SCRIB: variants seen among roughly 807,000 people sequenced by gnomAD.
The protein encoded by SCRIB is scribble planar cell polarity protein.
A neutral mutation model predicts 170.0 loss-of-function variants in SCRIB; 72 were observed. That is an observed-to-expected ratio of 0.42 (90% CI 0.35 to 0.52). The LOEUF is 0.52. Among genes scored for constraint, SCRIB ranks in the 20% least tolerant of loss-of-function variants. SCRIB has a pLI of 0.02. For missense variants in SCRIB, 2,475 were observed against 2,338.5 expected (o/e 1.06, Z -1.20); for synonymous variants, 1,298 against 1,044.3 (o/e 1.24, Z -4.68).
intron 24 of SCRIB, among the ~76,000 whole-genome samples, chr8:143,802,334 G>A (rs1433898252): frequency 6.6e-6 from 1 of 152,256 alleles, no homozygotes; most frequent in Non-Finnish European, 1.5e-5. Context: ...GTGACTGTCA[G>A]CCTGGCAGAA....
chr8:143,796,998 G>A (rs1031687345), intron 24 of SCRIB, among the ~76,000 whole-genome samples: 5 of 152,168 alleles, frequency 3.3e-5, no homozygotes, highest in Admixed American at 1.3e-4. Flanking sequence ...AGGAGGTCCC[G>A]AGATGACACC....
intron 24 of SCRIB, among the ~76,000 whole-genome samples, chr8:143,797,270 T>C (rs1018098211): frequency 1.3e-5 from 2 of 152,214 alleles, no homozygotes; most frequent in African/African-American, 4.8e-5. Context: ...TAAAAGGCTG[T>C]CGCCCATGAA....
chr8:143,806,294 T>G, intron 18 of SCRIB, 113 bp downstream of exon 18: 1 of 815,234 alleles, frequency 1.2e-6, no homozygotes, highest in Admixed American at 2.2e-5. Context: ...GGGTGTCCTG[T>G]GCTTGGAACT....
chr8:143,815,100 CAA>C, intron 1 of SCRIB, 112 bp downstream of exon 1: 1 of 1,284,518 alleles, frequency 7.8e-7, no homozygotes, highest in Non-Finnish European at 1.0e-6. Context: ...CTGGCCAGTG[CAA>C]ACCAGCAGGG....
chr8:143,793,488 C>A (rs999683818), intron 28 of SCRIB: 3 of 292,138 alleles, frequency 1.0e-5, no homozygotes, highest in Non-Finnish European at 1.9e-5. Context: ...CTGTGAGGGG[C>A]TGAGCTGGGG....
intron 21 of SCRIB, 137 bp downstream of exon 21, chr8:143,804,431 G>A (rs534781341): frequency 6.6e-6 from 6 of 913,134 alleles, no homozygotes; most frequent in Admixed American, 6.6e-5. Flanking sequence ...CCAGCCTCAA[G>A]GAGCTGCAGG....
At position 143,807,481 on chromosome 8, in the gene SCRIB, G is replaced by A. The variant is rs527914504; in HGVS notation, c.2178+71C>T. 46 of 1,229,520 alleles carry A rather than the reference G, an allele frequency of 3.7e-5. 1 individual carries two copies. In the East Asian group the frequency reaches 9.5e-4, roughly 25 times the overall value. 76.2% of individuals were successfully genotyped at this position (1,229,520 alleles called of 1,614,324 possible). On this transcript the variant is annotated intron_variant, in intron 16 of 36. Coordinates refer to ENST00000356994, the MANE Select transcript of SCRIB (RefSeq NM_182706.5). ...CGCTCAAGCAACAGGGGCGGGGAGA[G>A]GCGTGAGCCCACAGCCCGGGAAGCA...
At position 143,791,791 on chromosome 8, in the gene SCRIB, G is replaced by A. The variant is rs377692979; in HGVS notation, c.4696-51C>T. On this transcript the variant is annotated intron_variant, in intron 34 of 36. Coordinates refer to ENST00000356994, the MANE Select transcript of SCRIB (RefSeq NM_182706.5). ...GGCAGAGAGTGAGAGGAAAGGGGGG[G>A]ATGAGGGCCACGGGGGTGGGGGCAG... 9.5e-4 allele frequency: 1,214 copies of A among 1,283,334 alleles called. 9 individuals carry two copies. The African/African-American group carries it at 0.016, about 17-fold the overall frequency. The allele number at this position is 1,283,334 out of a possible 1,614,324, so 79.5% of individuals were successfully genotyped here.
At chr8:143,800,531 C>T (rs1399913619) in intron 24 of SCRIB, among the ~76,000 whole-genome samples, 2 of 152,168 alleles carry the variant, frequency 1.3e-5, no homozygotes, top group East Asian at 1.9e-4. Flanking sequence ...ATAAGAATTA[C>T]TAGGAAAGCA....
rs1815555411 is a variant in SCRIB at position 143,808,714 on chromosome 8, C to T, written c.2010G>A (p.Gln670=). 6.3e-7 allele frequency: 1 copy of T among 1,581,150 alleles called. No homozygotes were observed. The highest frequency in any genetic ancestry group is 8.6e-7 in the Non-Finnish European group (1 of 1,163,680). Residue 670 remains glutamine (Q), a synonymous_variant, in exon 15 of 37, where the codon CAG becomes CAA. Transcript: ENST00000356994. ...CCTCCTCCTCCTCTTCCTCCTCCTCCTGAGGACTACCCTCTTCCTCCTCCT... is the reference window on the plus strand; with the variant it reads ...CCTCCTCCTCCTCTTCCTCCTCCTCTTGAGGACTACCCTCTTCCTCCTCCT... ...EEEEEEEGSP[Q]EEEEEEEEEN...
In SCRIB at chr8:143,806,745, C is replaced by T. The variant is rs537412487; in HGVS notation, c.2268+179G>A. On this transcript the variant is annotated intron_variant, in intron 17 of 36. Transcript: ENST00000356994. ...AGGAGGGCTGTGAAGGGAAGACAGA[C>T]CCAGGCACCCTCAGGTTGCTCTTGG... 2.6e-5 allele frequency among the ~76,000 whole-genome samples: 4 copies of T among 152,302 alleles called. No homozygotes were observed. In the South Asian group the frequency reaches 6.2e-4, roughly 24 times the overall value.
Position 143,792,045 on chromosome 8 carries a change from G to A in SCRIB, c.4603C>T (p.Arg1535Ter), listed in dbSNP as rs782650422. ...EGRGTRGPLE[R>*]LAEAPSPAPT... ...GCAGGGGAAGGGGCCTCGGCCAGTC[G>A]CTCCAGGGGCCCCCGCGTGCCCCGG... Residue 1535 changes from arginine to a stop codon, truncating the protein, a stop_gained, in exon 33 of 37, where the codon CGA becomes TGA. Transcript: ENST00000356994. LOFTEE classifies it high-confidence loss of function. 3 of 1,580,828 alleles carry A rather than the reference G, an allele frequency of 1.9e-6. No homozygotes were observed. Among genetic ancestry groups the A allele is most frequent in the Admixed American group, 1.8e-5 (1 of 56,604 alleles).
At chr8:143,807,126 T>C (rs1563801238) in intron 16 of SCRIB, 113 bp from the exon 17 acceptor site, 1 of 770,156 alleles carries the variant, frequency 1.3e-6, no homozygotes, top group East Asian at 2.7e-5. Context: ...TCTAGGCAGC[T>C]GAATGGGGCC....
chr8:143,799,380 G>A (rs782492268), intron 24 of SCRIB, among the ~76,000 whole-genome samples: 31 of 152,228 alleles, frequency 2.0e-4, no homozygotes, highest in Non-Finnish European at 3.4e-4. Flanking sequence ...CCAGTAGTCA[G>A]AAGCTGGCTC....
chr8:143,806,280 G>T, intron 18 of SCRIB, 127 bp downstream of exon 18: 1 of 724,702 alleles, frequency 1.4e-6, no homozygotes, highest in Non-Finnish European at 2.4e-6. Context: ...TCACCCGGAA[G>T]TCTGGGTGTC....
At chr8:143,803,237 G>A (rs920911806) in intron 24 of SCRIB, 146 bp downstream of exon 24, 17 of 771,632 alleles carry the variant, frequency 2.2e-5, no homozygotes, top group Non-Finnish European at 2.8e-5. Flanking sequence ...CAGCTCCCCA[G>A]CCCGCACGGC....
chr8:143,807,069 C>G (rs1433412129), intron 16 of SCRIB, 56 bp from the exon 17 acceptor site: 1 of 1,299,214 alleles, frequency 7.7e-7, no homozygotes, highest in Non-Finnish European at 1.1e-6. Context: ...TGCCTGTGCT[C>G]TCTGCAGGAG....
intron 24 of SCRIB, among the ~76,000 whole-genome samples, chr8:143,798,486 G>T (rs1250378888): frequency 2.6e-5 from 4 of 152,060 alleles, no homozygotes; most frequent in African/African-American, 7.2e-5. Context: ...CACTGTTTTT[G>T]TTTTTTAGAG....
intron 1 of SCRIB, chr8:143,814,773 A>AG (rs1815976657): frequency 5.7e-6 from 1 of 176,518 alleles, no homozygotes; most frequent in Admixed American, 6.2e-5. Context: ...GGGTAAAGAA[A>AG]GGGGGACAGC....
Sources: allele counts gnomAD v4.1 joint callset (sites outside exome capture counted in the v4.1 genomes callset), GRCh38; gene constraint gnomAD v4.1.1; transcripts MANE v1.5; gene names NCBI Gene and HGNC (gene_info 2026-07-23, HGNC 2026-07-21).